The following TRIM33 variants were observed in gnomAD, a reference collection of about 807,000 sequenced individuals.
The protein encoded by TRIM33 is tripartite motif containing 33.
In TRIM33, 20 loss-of-function variants were observed where a neutral mutation model predicts 125.4. The ratio of observed to expected loss-of-function variants is 0.16; its 90% CI spans 0.11 to 0.23. TRIM33 has a LOEUF of 0.23. TRIM33 is among the 10% of genes least tolerant of loss of function. The probability of loss-of-function intolerance (pLI) is 1.00; values close to 1 mark genes in which losing one functional copy is unlikely to be tolerated. For synonymous variants in TRIM33, 564 were observed against 513.9 expected (o/e 1.10, Z -1.32); for missense variants, 920 against 1,411.4 (o/e 0.65, Z 5.58).
intron 1 of TRIM33, among the ~76,000 whole-genome samples, chr1:114,508,029 A>G (rs1653103546): frequency 6.6e-6 from 1 of 152,020 alleles, no homozygotes; most frequent in African/African-American, 2.4e-5. Flanking sequence ...AGGCACAAGA[A>G]TCGCTTGAAC....
At chr1:114,398,021 A>G (rs750990577) in intron 18 of TRIM33, 31 bp from the exon 19 acceptor site, 1 of 1,576,168 alleles carries the variant, frequency 6.3e-7, no homozygotes, top group Non-Finnish European at 8.7e-7. Context: ...AAAAAAAAAA[A>G]AGGGAAATTA....
chr1:114,510,961 G>A lies in TRIM33; in HGVS notation c.116C>T (p.Thr39Ile), dbSNP rs1301828432. 31 of 1,386,090 alleles carry A rather than the reference G, an allele frequency of 2.2e-5. No individual in the cohort carries two copies. The highest frequency in any genetic ancestry group is 2.7e-5 in the Non-Finnish European group (29 of 1,070,456). 85.9% of individuals were successfully genotyped at this position (1,386,090 alleles called of 1,614,324 possible). A position where few individuals can be genotyped will look rare whatever the true frequency, so the allele number is the denominator to read the frequency against. The change falls in exon 1 of 20, where the codon ACC becomes ATC. Residue 39 changes from threonine (T) to isoleucine (I), a missense_variant. Coordinates refer to ENST00000358465, the MANE Select transcript of TRIM33 (RefSeq NM_015906.4). ...CTCCTCCTCCTCCACCAGCACCGCGGTGAGAGGCGGCTCCGCCTCCTGCGC... is the reference window on the plus strand; with the variant it reads ...CTCCTCCTCCTCCACCAGCACCGCGATGAGAGGCGGCTCCGCCTCCTGCGC... ...PAAQEAEPPL[T>I]AVLVEEEEEE... is the part of the protein sequence containing the mutation.
At position 114,397,297 on chromosome 1, in the gene TRIM33, T is replaced by C; in HGVS notation, c.*351A>G. 3.4e-6 allele frequency: 1 copy of C among 290,380 alleles called. No homozygotes were observed. Among genetic ancestry groups the C allele is most frequent in the East Asian group, 5.2e-5 (1 of 19,372 alleles). 18.0% of individuals were successfully genotyped at this position (290,380 alleles called of 1,614,324 possible). A position where few individuals can be genotyped will look rare whatever the true frequency, so the allele number is the denominator to read the frequency against. ...TATCAAGTGACACGAGTCTCAAGTATTTACTCGTATACCAAGTATCCTGCA... is the reference window on the plus strand; with the variant it reads ...TATCAAGTGACACGAGTCTCAAGTACTTACTCGTATACCAAGTATCCTGCA... On this transcript the variant is annotated 3_prime_UTR_variant, in exon 20 of 20. Coordinates refer to ENST00000358465, the MANE Select transcript of TRIM33 (RefSeq NM_015906.4).
At chr1:114,438,520 T>C (rs1648450307) in intron 4 of TRIM33, among the ~76,000 whole-genome samples, 5 of 152,246 alleles carry the variant, frequency 3.3e-5, no homozygotes, top group Admixed American at 2.6e-4. Context: ...AATCTATAGA[T>C]GGCAATAGCC....
chr1:114,444,209 G>C (rs973528596), intron 4 of TRIM33, among the ~76,000 whole-genome samples: 3 of 152,136 alleles, frequency 2.0e-5, no homozygotes, highest in African/African-American at 7.2e-5. Context: ...GAATGATGTA[G>C]GATGAGAATG....
chr1:114,411,999 A>G (rs961508830), intron 11 of TRIM33, among the ~76,000 whole-genome samples: 12 of 152,374 alleles, frequency 7.9e-5, no homozygotes, highest in African/African-American at 2.4e-4. Flanking sequence ...GATATTTCAC[A>G]AAAGACAAAG....
intron 1 of TRIM33, among the ~76,000 whole-genome samples, chr1:114,482,301 C>T (rs1003792663): frequency 6.6e-6 from 1 of 152,150 alleles, no homozygotes; most frequent in African/African-American, 2.4e-5. Context: ...AAGCAATCAT[C>T]TCAACATGCC....
At chr1:114,491,128 T>A (rs1652038038) in intron 1 of TRIM33, among the ~76,000 whole-genome samples, 1 of 152,196 alleles carries the variant, frequency 6.6e-6, no homozygotes, top group South Asian at 2.1e-4. Context: ...TAAAAACTAC[T>A]GAACCATACA....
At chr1:114,487,083 T>C (rs1247403463) in intron 1 of TRIM33, among the ~76,000 whole-genome samples, 3 of 137,796 alleles carry the variant, frequency 2.2e-5, no homozygotes, top group Non-Finnish European at 3.1e-5. Flanking sequence ...CAAGACTCTG[T>C]CTCAAAAAAA....
chr1:114,453,271 T>C (rs551775021), intron 4 of TRIM33, among the ~76,000 whole-genome samples: 1 of 149,590 alleles, frequency 6.7e-6, no homozygotes, highest in East Asian at 2.0e-4. Flanking sequence ...AGCTGAGGCA[T>C]GAGAATCACT....
At chr1:114,497,152 T>A (rs1327269848) in intron 1 of TRIM33, among the ~76,000 whole-genome samples, 2 of 152,256 alleles carry the variant, frequency 1.3e-5, no homozygotes, top group Non-Finnish European at 2.9e-5. Context: ...TCACTGCAAT[T>A]TGTAATGTAC....
chr1:114,458,699 T>C (rs549576654), intron 4 of TRIM33, among the ~76,000 whole-genome samples: 15 of 152,332 alleles, frequency 9.8e-5, no homozygotes, highest in African/African-American at 3.1e-4. Flanking sequence ...TATTAAACTC[T>C]TTCTCTGCTA....
At chr1:114,448,604 A>G (rs1649133921) in intron 4 of TRIM33, among the ~76,000 whole-genome samples, 1 of 152,222 alleles carries the variant, frequency 6.6e-6, no homozygotes. Flanking sequence ...AGTGAATTCA[A>G]AAAGTGGGAT....
At position 114,472,140 on chromosome 1, in the gene TRIM33, A is replaced by C. The variant is rs188676307; in HGVS notation, c.527-7752T>G. Among the ~76,000 whole-genome samples the C allele has an allele frequency of 9.8e-5, 15 of 152,350 alleles. 1 individual carries two copies. The highest frequency in any genetic ancestry group is 3.6e-4 in the African/African-American group (15 of 41,590). Reference sequence around the variant, plus strand: ...CACTGAATATATGAATAAAATTTTTAAACTTAGAAACATAAATATTTTGTT... The same window carrying C: ...CACTGAATATATGAATAAAATTTTTCAACTTAGAAACATAAATATTTTGTT... On this transcript the variant is annotated intron_variant, in intron 1 of 19. Transcript: ENST00000358465.
At chr1:114,403,996 C>T (rs1452065585) in intron 15 of TRIM33, among the ~76,000 whole-genome samples, 2 of 151,998 alleles carry the variant, frequency 1.3e-5, no homozygotes, top group African/African-American at 4.8e-5. Context: ...CAAGTATATA[C>T]TTTGTTTTTA....
At chr1:114,423,150 C>A (rs1557856047) in intron 10 of TRIM33, among the ~76,000 whole-genome samples, 1 of 152,074 alleles carries the variant, frequency 6.6e-6, no homozygotes, top group Non-Finnish European at 1.5e-5. Flanking sequence ...TGTAAACACA[C>A]CCATTTTGTT....
intron 1 of TRIM33, among the ~76,000 whole-genome samples, chr1:114,501,429 A>C (rs1652709504): frequency 6.6e-6 from 1 of 152,216 alleles, no homozygotes; most frequent in Non-Finnish European, 1.5e-5. Context: ...GGACTACTAG[A>C]GTATCTTTCA....
rs955784731 is a variant in TRIM33 at position 114,393,462 on chromosome 1, A to T, written c.*4186T>A. ...GTGAATTTAAAAGAGGAGCATTTTT[A>T]ATTTTAAAGATCACTTTCTAGAAAA... On this transcript the variant is annotated 3_prime_UTR_variant, in exon 20 of 20. Coordinates refer to ENST00000358465, the MANE Select transcript of TRIM33 (RefSeq NM_015906.4). 1 of 200,564 alleles carries T rather than the reference A, an allele frequency of 5.0e-6. No individual in the cohort carries two copies. The highest frequency in any genetic ancestry group is 1.0e-5 in the Non-Finnish European group (1 of 97,184). 12.4% of individuals were successfully genotyped at this position (200,564 alleles called of 1,614,324 possible). A position where few individuals can be genotyped will look rare whatever the true frequency, so the allele number is the denominator to read the frequency against.
At chr1:114,436,368 C>T (rs1231291276) in intron 4 of TRIM33, among the ~76,000 whole-genome samples, 1 of 135,244 alleles carries the variant, frequency 7.4e-6, no homozygotes, top group Non-Finnish European at 1.5e-5. Context: ...CACTACTGCA[C>T]TCCAGCCTGG....
Sources: gnomAD v4.1 joint callset for allele counts (sites outside exome capture counted in the v4.1 genomes callset) on GRCh38, gnomAD v4.1.1 for gene constraint, MANE v1.5 for transcripts, NCBI Gene and HGNC (gene_info 2026-07-23, HGNC 2026-07-21) for gene names.